Variants in MEF2C observed in about 807,000 individuals in gnomAD.
MEF2C encodes the protein myocyte-specific enhancer factor 2C.
A neutral mutation model predicts 50.5 loss-of-function variants in MEF2C; 6 were observed. The observed-to-expected ratio is 0.12, with a 90% confidence interval of 0.07 to 0.23. The LOEUF is 0.23. Ranked by LOEUF, MEF2C falls within the 10% of genes least tolerant of loss-of-function variation. The pLI is 1.00. For synonymous variants in MEF2C, 183 were observed against 228.0 expected, an observed-to-expected ratio of 0.80 and a Z score of 1.78; for missense variants, 276 against 605.0, an observed-to-expected ratio of 0.46 and a Z score of 5.70.
chr5:88,761,268 C>A lies in MEF2C; in HGVS notation c.319G>T (p.Val107Leu), dbSNP rs750647048. The A allele has an allele frequency of 6.2e-7, 1 of 1,614,016 alleles. No individual in the cohort carries two copies. The highest frequency in any genetic ancestry group is 8.5e-7 in the Non-Finnish European group (1 of 1,179,890). Reference protein sequence around the residue: ...DSPDPDADDSVGHSPESEDKY... With the variant: ...DSPDPDADDSLGHSPESEDKY... ...TCCTCAGACTCAGGGCTGTGACCTA[C>A]GGAATCGTCCGCATCGGGGTCTGGG... The change falls in exon 4 of 11, where the codon GTA becomes TTA. Residue 107 changes from valine (V) to leucine (L), a missense_variant. Val to Leu is a conservative substitution (Grantham distance 32, BLOSUM62 1). Transcript: ENST00000504921.
intron 1 of MEF2C, among the ~76,000 whole-genome samples, chr5:88,873,731 T>C (rs1279499057): frequency 7.8e-6 from 1 of 127,732 alleles, no homozygotes; most frequent in African/African-American, 3.4e-5. Context: ...TTTTTTTTTT[T>C]TTTTTTTGGT....
chr5:88,750,413 G>A (rs1772164144), intron 5 of MEF2C, among the ~76,000 whole-genome samples: 1 of 151,866 alleles, frequency 6.6e-6, no homozygotes, highest in Admixed American at 6.6e-5. Flanking sequence ...TCTCTATGTT[G>A]CCCAGGCTGG....
At chr5:88,735,205 C>G (rs1763600029) in intron 6 of MEF2C, 1 of 985,276 alleles carries the variant, frequency 1.0e-6, no homozygotes, top group Non-Finnish European at 1.2e-6. Flanking sequence ...CCTCCTCACT[C>G]AGAATGCTGC....
intron 1 of MEF2C, among the ~76,000 whole-genome samples, chr5:88,860,891 C>T (rs1276082538): frequency 6.6e-6 from 1 of 152,148 alleles, no homozygotes; most frequent in Non-Finnish European, 1.5e-5. Context: ...TGGCTAATAC[C>T]CAAACTAAAG....
intron 3 of MEF2C, among the ~76,000 whole-genome samples, chr5:88,782,816 C>T (rs545180559): frequency 1.3e-5 from 2 of 152,296 alleles, no homozygotes; most frequent in South Asian, 2.1e-4. Flanking sequence ...ATTTACTGCT[C>T]GAGACCACGG....
chr5:88,859,550 T>C (rs1019177161), intron 1 of MEF2C, among the ~76,000 whole-genome samples: 1 of 152,252 alleles, frequency 6.6e-6, no homozygotes, highest in South Asian at 2.1e-4. Context: ...CAGTGTTCTA[T>C]AGCAAGAGGA....
At chr5:88,732,283 A>G (rs1053791130) in intron 6 of MEF2C, among the ~76,000 whole-genome samples, 1 of 152,126 alleles carries the variant, frequency 6.6e-6, no homozygotes, top group African/African-American at 2.4e-5. Context: ...TCACTCTTTC[A>G]GTTCACTGGT....
At chr5:88,808,024 T>C (rs1801243545) in intron 2 of MEF2C, among the ~76,000 whole-genome samples, 1 of 152,330 alleles carries the variant, frequency 6.6e-6, no homozygotes. Context: ...TATTTTCATA[T>C]CTGATTATCA....
rs1237547251 is a variant in MEF2C at position 88,747,560 on chromosome 5, G to A, written c.637+1510C>T. Reference sequence around the variant, plus strand: ...GAGACGGGGTTTCACCGTTTTAGCCGGGATGGTCTCGATCTCCTGACCTCG... The same window carrying A: ...GAGACGGGGTTTCACCGTTTTAGCCAGGATGGTCTCGATCTCCTGACCTCG... On this transcript the variant is annotated intron_variant, in intron 6 of 10. Coordinates refer to ENST00000504921, the MANE Select transcript of MEF2C (RefSeq NM_002397.5). Among the ~76,000 whole-genome samples the A allele has an allele frequency of 3.1e-4, 9 of 29,170 alleles. 2 individuals carry two copies. The highest frequency in any genetic ancestry group is 2.3e-3 in the East Asian group (2 of 886). The allele number at this position is 29,170 out of a possible 152,430, so 19.1% of individuals were successfully genotyped here.
At chr5:88,831,558 T>A (rs561248838) in intron 1 of MEF2C, among the ~76,000 whole-genome samples, 1 of 152,034 alleles carries the variant, frequency 6.6e-6, no homozygotes. Context: ...TTGTTGTACA[T>A]TAAAGAGAAA....
At chr5:88,824,261 C>CT in intron 1 of MEF2C, 1 of 950,734 alleles carries the variant, frequency 1.1e-6, no homozygotes, top group Non-Finnish European at 1.2e-6. Flanking sequence ...ACAATTTCAC[C>CT]CGTTATGAAA....
intron 1 of MEF2C, among the ~76,000 whole-genome samples, chr5:88,862,709 T>C (rs1825911315): frequency 6.6e-6 from 1 of 152,210 alleles, no homozygotes; most frequent in African/African-American, 2.4e-5. Context: ...AACAGTGGGT[T>C]GCAGGGGAGG....
At chr5:88,782,206 C>T (rs1788436634) in intron 3 of MEF2C, 1 of 966,742 alleles carries the variant, frequency 1.0e-6, no homozygotes, top group African/African-American at 1.8e-5. Flanking sequence ...CAGTGGCTCA[C>T]TCCTGTAATC....
intron 1 of MEF2C, 142 bp from the exon 2 acceptor site, chr5:88,824,072 A>T: frequency 1.1e-6 from 1 of 927,566 alleles, no homozygotes; most frequent in Non-Finnish European, 1.4e-6. Flanking sequence ...TGTTAAAAAT[A>T]TATGGTATAT....
chr5:88,858,352 C>T (rs1180706138), intron 1 of MEF2C, among the ~76,000 whole-genome samples: 2 of 152,086 alleles, frequency 1.3e-5, no homozygotes, highest in African/African-American at 4.8e-5. Flanking sequence ...TTCAGGGGAC[C>T]CTTAAAGAAG....
intron 1 of MEF2C, among the ~76,000 whole-genome samples, chr5:88,834,373 AT>A (rs1814237107): frequency 2.6e-5 from 4 of 152,188 alleles, no homozygotes; most frequent in Admixed American, 2.0e-4. Context: ...CAAAATCATG[AT>A]GCTTAATATC....
intron 3 of MEF2C, among the ~76,000 whole-genome samples, chr5:88,762,242 T>C (rs1778200524): frequency 6.6e-6 from 1 of 152,192 alleles, no homozygotes; most frequent in Non-Finnish European, 1.5e-5. Flanking sequence ...TGTAACATTG[T>C]AACAGAAAAA....
At chr5:88,796,121 C>A (rs1580840776) in intron 3 of MEF2C, among the ~76,000 whole-genome samples, 1 of 152,090 alleles carries the variant, frequency 6.6e-6, no homozygotes, top group East Asian at 1.9e-4. Flanking sequence ...GTGTCTCTGC[C>A]TGGTTTTGGC....
chr5:88,753,401 A>G (rs181584775), intron 4 of MEF2C, among the ~76,000 whole-genome samples: 132 of 151,988 alleles, frequency 8.7e-4, no homozygotes, highest in Non-Finnish European at 1.4e-3. Flanking sequence ...TTTTATTATT[A>G]TATTATTATT....
Sources: allele counts gnomAD v4.1 joint callset (sites outside exome capture counted in the v4.1 genomes callset), GRCh38; gene constraint gnomAD v4.1.1; transcripts MANE v1.5; gene names NCBI Gene and HGNC (gene_info 2026-07-23, HGNC 2026-07-21).